TAFA1: variants seen among roughly 807,000 people sequenced by gnomAD.
TAFA1 encodes the protein chemokine-like protein TAFA-1.
In TAFA1, 4 loss-of-function variants were observed where a neutral mutation model predicts 18.5. The ratio of observed to expected loss-of-function variants is 0.22; its 90% CI spans 0.11 to 0.49. TAFA1 has a LOEUF of 0.49. TAFA1 is among the 20% of genes least tolerant of loss of function. TAFA1 has a pLI of 0.98. For synonymous variants in TAFA1, 56 were observed against 55.2 expected (o/e 1.01, Z -0.06); for missense variants, 147 against 169.0 (o/e 0.87, Z 0.72).
At chr3:68,153,154 T>A (rs1034011869) in intron 2 of TAFA1, among the ~76,000 whole-genome samples, 1 of 152,168 alleles carries the variant, frequency 6.6e-6, no homozygotes, top group African/African-American at 2.4e-5. Flanking sequence ...TAGGTGACTA[T>A]TGGTAGCATA....
intron 2 of TAFA1, among the ~76,000 whole-genome samples, chr3:68,173,788 C>G (rs1227228199): frequency 6.6e-6 from 1 of 152,010 alleles, no homozygotes; most frequent in Non-Finnish European, 1.5e-5. Flanking sequence ...TAGAGCCCTT[C>G]CCTTCCCTTC....
chr3:68,328,805 ATGAACT>A (rs1207393815), intron 2 of TAFA1, among the ~76,000 whole-genome samples: 2 of 152,102 alleles, frequency 1.3e-5, no homozygotes, highest in Non-Finnish European at 2.9e-5. Flanking sequence ...GCAGAAACAG[ATGAACT>A]TGAACTAGAA....
At chr3:68,075,142 T>C (rs2064807881) in intron 2 of TAFA1, among the ~76,000 whole-genome samples, 1 of 152,198 alleles carries the variant, frequency 6.6e-6, no homozygotes, top group Non-Finnish European at 1.5e-5. Context: ...AATATTGCAC[T>C]GAGACTGGCC....
chr3:68,324,968 A>G (rs1359180405), intron 2 of TAFA1, among the ~76,000 whole-genome samples: 1 of 152,166 alleles, frequency 6.6e-6, no homozygotes, highest in African/African-American at 2.4e-5. Flanking sequence ...TCACAGTCAC[A>G]GAGTGGCCTT....
intron 2 of TAFA1, among the ~76,000 whole-genome samples, chr3:68,010,507 T>C (rs552115635): frequency 6.6e-6 from 1 of 152,286 alleles, no homozygotes; most frequent in East Asian, 1.9e-4. Context: ...GAATTTGTGA[T>C]CTGTCTTCTC....
At chr3:68,360,884 T>G (rs1326810540) in intron 2 of TAFA1, among the ~76,000 whole-genome samples, 1 of 152,054 alleles carries the variant, frequency 6.6e-6, no homozygotes, top group African/African-American at 2.4e-5. Context: ...ATTCATTGAA[T>G]ATTAAGCTGG....
intron 3 of TAFA1, among the ~76,000 whole-genome samples, chr3:68,471,461 C>A (rs1296373974): frequency 6.6e-6 from 1 of 152,156 alleles, no homozygotes; most frequent in Non-Finnish European, 1.5e-5. Flanking sequence ...GGGAGCTGCA[C>A]CCTGAAAAAC....
intron 2 of TAFA1, among the ~76,000 whole-genome samples, chr3:68,393,284 C>T (rs976057357): frequency 3.9e-5 from 6 of 151,922 alleles, no homozygotes; most frequent in Admixed American, 2.0e-4. Flanking sequence ...TGGACACATA[C>T]ACCCTCCCAA....
chr3:68,419,365 G>C (rs1365492431), intron 3 of TAFA1, among the ~76,000 whole-genome samples: 1 of 152,100 alleles, frequency 6.6e-6, no homozygotes, highest in African/African-American at 2.4e-5. Context: ...AGGCTTGGAA[G>C]GGTTGAATAG....
intron 3 of TAFA1, among the ~76,000 whole-genome samples, chr3:68,430,894 T>C (rs1305177985): frequency 3.3e-5 from 5 of 152,004 alleles, no homozygotes; most frequent in Non-Finnish European, 5.9e-5. Context: ...TCTGAAGCAG[T>C]CTTAAGATAC....
At chr3:68,427,864 T>C (rs2071087540) in intron 3 of TAFA1, among the ~76,000 whole-genome samples, 1 of 151,946 alleles carries the variant, frequency 6.6e-6, no homozygotes, top group Non-Finnish European at 1.5e-5. Context: ...CTGATGGTTT[T>C]ATAAAGGGCA....
chr3:68,452,522 C>A (rs200962942), intron 3 of TAFA1, among the ~76,000 whole-genome samples: 45 of 113,334 alleles, frequency 4.0e-4, no homozygotes, highest in South Asian at 1.3e-3. Flanking sequence ...AACTCTCTCT[C>A]AAAAAAAAAA....
chr3:68,175,828 G>A (rs763615596), intron 2 of TAFA1, among the ~76,000 whole-genome samples: 1 of 152,096 alleles, frequency 6.6e-6, no homozygotes, highest in African/African-American at 2.4e-5. Context: ...AGGGGCCAGG[G>A]GTGGAATGAT....
Position 68,186,745 on chromosome 3 carries a change from C to T in TAFA1, c.118+180001C>T, listed in dbSNP as rs182922276. ...AACTCCCTCTCATTAATTCATTCAT[C>T]GAACATTGGTGTGTGCCTGGCTCTT... On this transcript the variant is annotated intron_variant, in intron 2 of 4. Transcript: ENST00000478136. Among the ~76,000 whole-genome samples the T allele has an allele frequency of 4.3e-3, 652 of 152,154 alleles. 6 individuals carry two copies. Among genetic ancestry groups the T allele is most frequent in the South Asian group, 0.021 (100 of 4,824 alleles).
At chr3:68,275,258 T>C (rs181165798) in intron 2 of TAFA1, among the ~76,000 whole-genome samples, 1 of 151,902 alleles carries the variant, frequency 6.6e-6, no homozygotes, top group Admixed American at 6.6e-5. Context: ...ATGTAATAAG[T>C]AATGTTGGGG....
intron 2 of TAFA1, among the ~76,000 whole-genome samples, chr3:68,230,703 C>G (rs537479761): frequency 6.6e-6 from 1 of 152,330 alleles, no homozygotes; most frequent in African/African-American, 2.4e-5. Flanking sequence ...CCATACTGTT[C>G]TCCATAGTGA....
intron 2 of TAFA1, among the ~76,000 whole-genome samples, chr3:68,023,356 C>T (rs566645762): frequency 7.2e-5 from 11 of 151,974 alleles, no homozygotes; most frequent in Non-Finnish European, 1.6e-4. Context: ...TGTTGTTCAC[C>T]GTGGCAGAAA....
intron 2 of TAFA1, among the ~76,000 whole-genome samples, chr3:68,238,759 C>T (rs1183295659): frequency 6.6e-6 from 1 of 151,914 alleles, no homozygotes; most frequent in Admixed American, 6.6e-5. Flanking sequence ...CACTTTTTTG[C>T]CTAGTTCTCT....
intron 2 of TAFA1, among the ~76,000 whole-genome samples, chr3:68,381,377 T>C (rs370514259): frequency 1.3e-5 from 2 of 151,708 alleles, no homozygotes; most frequent in African/African-American, 2.4e-5. Context: ...GCCATTTTCA[T>C]GATATTGATT....
Sources: gnomAD v4.1 joint callset for allele counts (sites outside exome capture counted in the v4.1 genomes callset) on GRCh38, gnomAD v4.1.1 for gene constraint, MANE v1.5 for transcripts, NCBI Gene and HGNC (gene_info 2026-07-23, HGNC 2026-07-21) for gene names.